The following HERC1 variants were observed in gnomAD, a reference collection of about 807,000 sequenced individuals.
HERC1 encodes HECT and RLD domain containing E3 ubiquitin protein ligase family member 1.
HERC1 carries 160 observed loss-of-function variants against 554.3 expected under a neutral mutation model. That is an observed-to-expected ratio of 0.29 (90% CI 0.25 to 0.33). The LOEUF is 0.33. Among genes scored for constraint, HERC1 ranks in the 10% least tolerant of loss-of-function variants. The probability of loss-of-function intolerance (pLI) is 1.00; values close to 1 mark genes in which losing one functional copy is unlikely to be tolerated. For synonymous variants in HERC1, 2,175 were observed against 2,131.7 expected (o/e 1.02, Z -0.56); for missense variants, 4,919 against 5,918.5 (o/e 0.83, Z 5.54).
intron 47 of HERC1, among the ~76,000 whole-genome samples, chr15:63,659,409 C>T (rs2070232997): frequency 6.6e-6 from 1 of 152,064 alleles, no homozygotes; most frequent in Non-Finnish European, 1.5e-5. Flanking sequence ...ACACCACCCA[C>T]CCAGCTACTT....
intron 61 of HERC1, among the ~76,000 whole-genome samples, chr15:63,639,897 G>A (rs1280766892): frequency 6.6e-6 from 1 of 152,170 alleles, no homozygotes; most frequent in Non-Finnish European, 1.5e-5. Flanking sequence ...AAGAAAATGA[G>A]AAAATATGGG....
intron 66 of HERC1, 122 bp from the exon 67 acceptor site, chr15:63,634,092 G>T: frequency 1.9e-6 from 2 of 1,037,872 alleles, no homozygotes; most frequent in South Asian, 1.6e-5. Flanking sequence ...TATCTACAAT[G>T]GTTTCAGAGC....
rs753972310 is a variant in HERC1 at position 63,616,409 on chromosome 15, CAT to C, written c.13941+19_13941+20del. 2.5e-6 allele frequency: 4 copies of C among 1,606,704 alleles called. No homozygotes were observed. In the East Asian group the frequency reaches 8.9e-5, roughly 36 times the overall value. ...TATAGGACGTCAACACCAGTAGAAA[CAT>C]AGACTGGCCAGGATTTACCTCATGG... On this transcript the variant is annotated intron_variant, in intron 75 of 77. Transcript: ENST00000443617.
At chr15:63,678,442 A>T in intron 36 of HERC1, 77 bp from the exon 37 acceptor site, 1 of 1,444,948 alleles carries the variant, frequency 6.9e-7, no homozygotes, top group Non-Finnish European at 9.1e-7. Context: ...TAACATGTAG[A>T]ATCCCATGTT....
At chr15:63,690,253 C>T (rs1437643669) in intron 32 of HERC1, among the ~76,000 whole-genome samples, 1 of 151,842 alleles carries the variant, frequency 6.6e-6, no homozygotes, top group African/African-American at 2.4e-5. Flanking sequence ...TTAGGACACT[C>T]CCACATGTTT....
chr15:63,643,236 CTT>C (rs2069158918), intron 58 of HERC1, among the ~76,000 whole-genome samples, 166 bp downstream of exon 58: 1 of 152,194 alleles, frequency 6.6e-6, no homozygotes, highest in Non-Finnish European at 1.5e-5. Flanking sequence ...TTTAAAAACA[CTT>C]ATCATCAGTA....
intron 39 of HERC1, 127 bp from the exon 40 acceptor site, chr15:63,669,825 TGGG>T (rs2070813889): frequency 5.4e-6 from 4 of 737,588 alleles, no homozygotes; most frequent in Non-Finnish European, 8.8e-6. Flanking sequence ...TAATGGAGGG[TGGG>T]GAGAAAGACT....
chr15:63,707,039 T>C (rs1198369413), intron 24 of HERC1, among the ~76,000 whole-genome samples: 1 of 152,210 alleles, frequency 6.6e-6, no homozygotes, highest in Admixed American at 6.5e-5. Flanking sequence ...TCTGAAACAC[T>C]AACTAAAAAA....
Position 63,692,351 on chromosome 15 carries a change from T to C in HERC1, c.5830+60A>G, listed in dbSNP as rs1338229947. ...GGAGTGTTGCTAAAGTCTGGCATTA[T>C]CTTAATAAAATGCAAGTAATATCTA... On this transcript the variant is annotated intron_variant, in intron 31 of 77. Coordinates refer to ENST00000443617, the MANE Select transcript of HERC1 (RefSeq NM_003922.4). The surrounding 1 kb of genome is among the most constrained non-coding windows in gnomAD (Gnocchi z 4.7). 8.2e-6 allele frequency: 11 copies of C among 1,347,596 alleles called. No individual in the cohort carries two copies. Among genetic ancestry groups the C allele is most frequent in the Non-Finnish European group, 1.0e-5 (10 of 999,274 alleles). 83.5% of individuals were successfully genotyped at this position (1,347,596 alleles called of 1,614,324 possible).
intron 55 of HERC1, 123 bp downstream of exon 55, chr15:63,647,946 A>G: frequency 1.3e-6 from 1 of 761,282 alleles, no homozygotes; most frequent in East Asian, 2.7e-5. Context: ...CTTGATGGGT[A>G]CAATGTATGT....
At chr15:63,748,602 T>A (rs776311831) in intron 10 of HERC1, among the ~76,000 whole-genome samples, 11 of 152,194 alleles carry the variant, frequency 7.2e-5, no homozygotes, top group Non-Finnish European at 1.2e-4. Flanking sequence ...TATCTACATA[T>A]GAAGTGGGAA....
chr15:63,749,832 T>C lies in HERC1; in HGVS notation c.1903-41A>G, dbSNP rs1320887278. 4 of 1,466,490 alleles carry C rather than the reference T, an allele frequency of 2.7e-6. No individual in the cohort carries two copies. The highest frequency in any genetic ancestry group is 2.7e-6 in the Non-Finnish European group (3 of 1,101,360). 90.8% of individuals were successfully genotyped at this position (1,466,490 alleles called of 1,614,324 possible). On this transcript the variant is annotated intron_variant, in intron 8 of 77. Coordinates refer to ENST00000443617, the MANE Select transcript of HERC1 (RefSeq NM_003922.4). This position sits in a 1 kb window ranked among gnomAD's most constrained non-coding sequence, Gnocchi z 4.1. ...ATACGTTACACATAACTTCCTGAGA[T>C]GATTAGATTGTTGGCTTTAGGGATA... is the stretch of plus-strand genomic sequence containing the variant.
intron 42 of HERC1, 126 bp from the exon 43 acceptor site, chr15:63,664,720 T>C (rs938103417): frequency 1.2e-5 from 9 of 782,366 alleles, no homozygotes; most frequent in Admixed American, 3.0e-5. Flanking sequence ...ATGATAAAAT[T>C]TGAAACACAT....
chr15:63,706,808 C>A lies in HERC1; in HGVS notation c.4608G>T (p.Leu1536Phe). Reference sequence around the variant, plus strand: ...TCTTTCTGTGAGATGCTGCCAAATCCAAATCAACATTTCGTCTGCCACTCT... The same window carrying A: ...TCTTTCTGTGAGATGCTGCCAAATCAAAATCAACATTTCGTCTGCCACTCT... ...YALSGRRNVD[L>F]DLAASHRKRG... Residue 1536 changes from leucine to phenylalanine, a missense_variant, in exon 25 of 78, where the codon TTG (leucine) becomes TTT (phenylalanine). Transcript: ENST00000443617. 6.5e-7 allele frequency: 1 copy of A among 1,543,132 alleles called. No individual in the cohort carries two copies. The highest frequency in any genetic ancestry group is 8.8e-7 in the Non-Finnish European group (1 of 1,140,698).
Position 63,675,064 on chromosome 15 carries a change from C to T in HERC1, c.7124G>A (p.Cys2375Tyr), listed in dbSNP as rs1363963768. The T allele has an allele frequency of 1.2e-6, 2 of 1,613,906 alleles. No homozygotes were observed. The highest frequency in any genetic ancestry group is 1.7e-6 in the Non-Finnish European group (2 of 1,179,826). ...CGCCACATCAAACGGCAATGGTTCA[C>T]AGGGTTCCAGATTATACAATGGAGT... ...SDTPLYNLEP[C>Y]EPLPFDVARF... The change falls in exon 38 of 78, where the codon TGT (cysteine) becomes TAT (tyrosine). Residue 2375 changes from cysteine to tyrosine, a missense_variant. Physicochemically the swap from Cys to Tyr is radical, Grantham distance 194. Coordinates refer to ENST00000443617, the MANE Select transcript of HERC1 (RefSeq NM_003922.4).
chr15:63,642,917 C>A (rs776407602), intron 59 of HERC1, 40 bp downstream of exon 59: 1 of 1,209,144 alleles, frequency 8.3e-7, no homozygotes. Context: ...AAGTTCCTTA[C>A]AAGCTTACAC....
chr15:63,751,974 AAAG>A (rs1351971182), intron 8 of HERC1, among the ~76,000 whole-genome samples: 1 of 152,198 alleles, frequency 6.6e-6, no homozygotes. Flanking sequence ...CTTCATAAAA[AAAG>A]AAGCACATGA....
intron 1 of HERC1, among the ~76,000 whole-genome samples, chr15:63,832,839 GTC>G (rs1349553907): frequency 6.6e-6 from 1 of 152,178 alleles, no homozygotes; most frequent in Non-Finnish European, 1.5e-5. Context: ...AAAAAAATGT[GTC>G]TGTTAGGAAA....
At chr15:63,621,944 T>A (rs1320949628) in intron 74 of HERC1, among the ~76,000 whole-genome samples, 1 of 152,164 alleles carries the variant, frequency 6.6e-6, no homozygotes, top group Non-Finnish European at 1.5e-5. Flanking sequence ...AACTTCCTCC[T>A]TTAGCTCAGG....
Sources: gnomAD v4.1 joint callset for allele counts (sites outside exome capture counted in the v4.1 genomes callset) on GRCh38, gnomAD v4.1.1 for gene constraint, Gnocchi (gnomAD v3.1) non-coding constraint, MANE v1.5 for transcripts, NCBI Gene and HGNC (gene_info 2026-07-23, HGNC 2026-07-21) for gene names.